Variants in MYRFL observed in about 807,000 individuals in gnomAD.
MYRFL encodes myelin regulatory factor like, also known as myelin regulatory factor-like protein.
A neutral mutation model predicts 109.4 loss-of-function variants in MYRFL; 88 were observed. The ratio of observed to expected loss-of-function variants is 0.80; its 90% CI spans 0.68 to 0.96. MYRFL has a LOEUF of 0.96. MYRFL is among the 40% of genes least tolerant of loss of function. The pLI is 0.00. For missense variants in MYRFL, 957 were observed against 954.9 expected (o/e 1.00, Z -0.03); for synonymous variants, 324 against 320.9 (o/e 1.01, Z -0.10).
chr12:69,873,068 C>G (rs10879029), intron 2 of MYRFL, among the ~76,000 whole-genome samples: 5,825 of 152,224 alleles, frequency 0.038, 142 homozygotes, highest in East Asian at 0.11. Context: ...AGTACCAAAC[C>G]CTATATATGC....
chr12:69,898,309 G>A (rs537070954), intron 10 of MYRFL, among the ~76,000 whole-genome samples: 25 of 152,332 alleles, frequency 1.6e-4, no homozygotes, highest in African/African-American at 5.3e-4. Flanking sequence ...ATGTCTCAAC[G>A]TTGTAATGGA....
chr12:69,958,932 A>AGACT lies in MYRFL; in HGVS notation c.*402_*405dup, dbSNP rs1956154424. 1.0e-5 allele frequency: 2 copies of AGACT among 191,188 alleles called. No homozygotes were observed. Among genetic ancestry groups the AGACT allele is most frequent in the Admixed American group, 1.1e-4 (2 of 17,782 alleles). The allele number at this position is 191,188 out of a possible 1,614,324, so 11.8% of individuals were successfully genotyped here. ...ATGTCGACTTCGGCCCACTAAACATAGACTCTTGAGAATGTGTGATATGGT... is the reference window on the plus strand; with the variant it reads ...ATGTCGACTTCGGCCCACTAAACATAGACTGACTCTTGAGAATGTGTGATATGGT... On this transcript the variant is annotated 3_prime_UTR_variant, in exon 25 of 25. Coordinates refer to ENST00000552032, the MANE Select transcript of MYRFL (RefSeq NM_182530.3).
chr12:69,901,925 G>A (rs1954206430), intron 10 of MYRFL, among the ~76,000 whole-genome samples: 1 of 130,620 alleles, frequency 7.7e-6, no homozygotes, highest in Admixed American at 8.2e-5. Context: ...ACAGAGTATT[G>A]CTCTGTCCCC....
At chr12:69,888,144 G>A (rs1317758392) in intron 6 of MYRFL, among the ~76,000 whole-genome samples, 4 of 152,142 alleles carry the variant, frequency 2.6e-5, no homozygotes, top group African/African-American at 9.7e-5. Flanking sequence ...GCCTATCTTG[G>A]CTCCAATAAT....
chr12:69,859,287 C>T (rs1240214), intron 2 of MYRFL, among the ~76,000 whole-genome samples: 30,556 of 152,010 alleles, frequency 0.2, 3,861 homozygotes, highest in Middle Eastern at 0.36. Flanking sequence ...GTGAATGTTA[C>T]GTATGCACTT....
intron 19 of MYRFL, among the ~76,000 whole-genome samples, chr12:69,942,002 G>C (rs1334297768): frequency 6.7e-6 from 1 of 149,064 alleles, no homozygotes; most frequent in Admixed American, 6.7e-5. Context: ...CTGAATCTCT[G>C]AATAGACCAA....
At chr12:69,908,064 G>A (rs1253410700) in intron 11 of MYRFL, among the ~76,000 whole-genome samples, 2 of 152,096 alleles carry the variant, frequency 1.3e-5, no homozygotes, top group African/African-American at 4.8e-5. Flanking sequence ...GGTTCATGGT[G>A]TTCTCTGTGG....
rs117316168 is a variant in MYRFL at position 69,885,771 on chromosome 12, A to G, written c.557-1049A>G. On this transcript the variant is annotated intron_variant, in intron 5 of 24. Coordinates refer to ENST00000552032, the MANE Select transcript of MYRFL (RefSeq NM_182530.3). ...TATTTGACCATTTTTGACATAGAAA[A>G]GTGGCAGTTTTCTACAGTTGATATT... Among the ~76,000 whole-genome samples, 24 of 152,314 alleles carry G rather than the reference A, an allele frequency of 1.6e-4. 1 individual carries two copies. The East Asian group carries it at 4.6e-3, about 29-fold the overall frequency.
chr12:69,884,031 A>C (rs1886299018), intron 5 of MYRFL, among the ~76,000 whole-genome samples: 1 of 152,214 alleles, frequency 6.6e-6, no homozygotes, highest in African/African-American at 2.4e-5. Flanking sequence ...GACAGGGGGC[A>C]TGTAGGTGTC....
intron 13 of MYRFL, among the ~76,000 whole-genome samples, chr12:69,911,968 C>T (rs1321572361): frequency 1.3e-5 from 2 of 152,236 alleles, no homozygotes. Flanking sequence ...AACCAGCCTC[C>T]TGGTAATGCC....
rs1424020250 is a variant in MYRFL at position 69,949,271 on chromosome 12, T to C, written c.2225-2842T>C. Among the ~76,000 whole-genome samples, 4 of 151,968 alleles carry C rather than the reference T, an allele frequency of 2.6e-5. No homozygotes were observed. In the South Asian group the frequency reaches 6.2e-4, roughly 24 times the overall value. On this transcript the variant is annotated intron_variant, in intron 19 of 24. Coordinates refer to ENST00000552032, the MANE Select transcript of MYRFL (RefSeq NM_182530.3). Reference sequence around the variant, plus strand: ...AAAAAAAAAAAAAGACTGCCAAAACTTCATAAAGTTATTTTGTTAGGTGTA... The same window carrying C: ...AAAAAAAAAAAAAGACTGCCAAAACCTCATAAAGTTATTTTGTTAGGTGTA...
chr12:69,957,584 A>AAAAG (rs1207493031), intron 22 of MYRFL, among the ~76,000 whole-genome samples: 76 of 152,294 alleles, frequency 5.0e-4, no homozygotes, highest in African/African-American at 1.7e-3. Flanking sequence ...AAGAAAGAAA[A>AAAAG]AAAGAAACCA....
chr12:69,883,146 G>A (rs557324766), intron 5 of MYRFL, among the ~76,000 whole-genome samples: 3 of 152,290 alleles, frequency 2.0e-5, no homozygotes, highest in Non-Finnish European at 2.9e-5. Context: ...AGCATGAAGC[G>A]AAGAGGAAGA....
chr12:69,834,854 C>G (rs1395059917), intron 1 of MYRFL, among the ~76,000 whole-genome samples: 1 of 152,154 alleles, frequency 6.6e-6, no homozygotes, highest in African/African-American at 2.4e-5. Context: ...AAAGGTTCAG[C>G]TTTTCCATGT....
intron 2 of MYRFL, among the ~76,000 whole-genome samples, chr12:69,871,004 G>T (rs950275724): frequency 1.3e-5 from 2 of 151,838 alleles, no homozygotes; most frequent in Non-Finnish European, 2.9e-5. Flanking sequence ...GTAGTGTCAG[G>T]GTAACTAAAC....
chr12:69,907,900 T>C (rs1207243725), intron 11 of MYRFL, among the ~76,000 whole-genome samples: 5 of 152,214 alleles, frequency 3.3e-5, no homozygotes, highest in African/African-American at 7.2e-5. Context: ...CAGTGATAGA[T>C]ATATGCACAG....
chr12:69,880,812 C>T (rs901647661), intron 5 of MYRFL, among the ~76,000 whole-genome samples: 1 of 152,178 alleles, frequency 6.6e-6, no homozygotes, highest in Non-Finnish European at 1.5e-5. Flanking sequence ...TGTTTTTCCA[C>T]TAGAACAGGG....
rs1221596449 is a variant in MYRFL, at chr12:69,936,349, A to T, written c.2044+14A>T. ...CCTCCTCCTCAGGTAAAGGCTTCACATTCCTCACCCTCAAACCCGGTTTCA... is the reference window on the plus strand; with the variant it reads ...CCTCCTCCTCAGGTAAAGGCTTCACTTTCCTCACCCTCAAACCCGGTTTCA... On this transcript the variant is annotated intron_variant, in intron 18 of 24. Transcript: ENST00000552032. 2.0e-6 allele frequency: 3 copies of T among 1,535,408 alleles called. No homozygotes were observed. Among genetic ancestry groups the T allele is most frequent in the Middle Eastern group, 1.7e-4 (1 of 5,986 alleles).
intron 14 of MYRFL, among the ~76,000 whole-genome samples, chr12:69,926,936 T>G (rs1566031051): frequency 1.5e-4 from 2 of 13,202 alleles, no homozygotes; most frequent in Admixed American, 1.2e-3. Flanking sequence ...GTTGCTGGTT[T>G]TTTTTTTTTT....
Sources: gnomAD v4.1 joint callset for allele counts (sites outside exome capture counted in the v4.1 genomes callset) on GRCh38, gnomAD v4.1.1 for gene constraint, MANE v1.5 for transcripts, NCBI Gene and HGNC (gene_info 2026-07-23, HGNC 2026-07-21) for gene names.